Variants in ZBTB20 observed in about 807,000 individuals in gnomAD.
ZBTB20 encodes the protein zinc finger and BTB domain containing 20.
A neutral mutation model predicts 56.9 loss-of-function variants in ZBTB20; 9 were observed. The observed-to-expected ratio is 0.16, with a 90% CI of 0.10 to 0.28. The LOEUF (loss-of-function observed/expected upper bound fraction) is 0.28, where lower values mean the gene tolerates loss of function less well. ZBTB20 is among the 10% of genes least tolerant of loss of function. The pLI is 1.00. For missense variants in ZBTB20, 655 were observed against 1,003.0 expected, an observed-to-expected ratio of 0.65 and a Z score of 4.69; for synonymous variants, 417 against 420.7, an observed-to-expected ratio of 0.99 and a Z score of 0.11.
intron 6 of ZBTB20, chr3:114,529,330 C>T (rs983648713): frequency 6.6e-6 from 1 of 152,194 alleles, no homozygotes; most frequent in African/African-American, 2.4e-5. Flanking sequence ...GAGCCTCTGT[C>T]AACCTGGGTC....
At chr3:114,697,327 C>T (rs1435982517) in intron 5 of ZBTB20, among the ~76,000 whole-genome samples, 2 of 151,864 alleles carry the variant, frequency 1.3e-5, no homozygotes, top group Admixed American at 1.3e-4. Flanking sequence ...GAAGTCAAAA[C>T]ATCTCAAAAT....
At chr3:114,988,013 T>A (rs2078620032) in intron 2 of ZBTB20, among the ~76,000 whole-genome samples, 1 of 151,890 alleles carries the variant, frequency 6.6e-6, no homozygotes, top group South Asian at 2.1e-4. Flanking sequence ...TTCCCTATCG[T>A]CTTCTTTTTT....
At chr3:114,470,922 T>C (rs187102814) in intron 7 of ZBTB20, among the ~76,000 whole-genome samples, 8 of 152,324 alleles carry the variant, frequency 5.3e-5, no homozygotes, top group African/African-American at 1.7e-4. Flanking sequence ...AGGTTAGATA[T>C]AGGAGATTAA....
intron 1 of ZBTB20, among the ~76,000 whole-genome samples, chr3:115,136,990 C>T (rs978061786): frequency 6.6e-6 from 1 of 151,980 alleles, no homozygotes; most frequent in African/African-American, 2.4e-5. Flanking sequence ...AACAGAGTAC[C>T]ACCGATGATG....
chr3:115,130,551 T>C (rs2084474074), intron 1 of ZBTB20, among the ~76,000 whole-genome samples: 1 of 152,176 alleles, frequency 6.6e-6, no homozygotes. Flanking sequence ...CTACAAATCA[T>C]TTGTAGATGT....
chr3:114,348,021 T>C (rs2080336545), intron 11 of ZBTB20, among the ~76,000 whole-genome samples: 1 of 152,222 alleles, frequency 6.6e-6, no homozygotes. Context: ...GTTATCTCGG[T>C]TAACCACAGA....
intron 8 of ZBTB20, among the ~76,000 whole-genome samples, chr3:114,381,821 T>C (rs2084381265): frequency 1.3e-5 from 2 of 152,306 alleles, no homozygotes; most frequent in East Asian, 1.9e-4. Context: ...GAGGCAGAGA[T>C]GGCATGGCAA....
At chr3:115,113,551 T>C (rs1015156808) in intron 1 of ZBTB20, among the ~76,000 whole-genome samples, 2 of 152,196 alleles carry the variant, frequency 1.3e-5, no homozygotes, top group Admixed American at 6.5e-5. Context: ...GGACTGCTGA[T>C]TGCAACACTG....
At chr3:114,529,957 T>C (rs946859446) in intron 6 of ZBTB20, among the ~76,000 whole-genome samples, 5 of 152,252 alleles carry the variant, frequency 3.3e-5, no homozygotes. Flanking sequence ...AACACAATTA[T>C]GTGCTGTATA....
intron 6 of ZBTB20, among the ~76,000 whole-genome samples, chr3:114,616,910 C>T (rs1324274699): frequency 6.6e-6 from 1 of 152,200 alleles, no homozygotes; most frequent in Non-Finnish European, 1.5e-5. Flanking sequence ...CCATGCCCAG[C>T]CCAAAGGTTA....
chr3:115,011,410 G>T (rs9859987), intron 2 of ZBTB20, among the ~76,000 whole-genome samples: 50,680 of 151,634 alleles, frequency 0.33, 10,806 homozygotes, highest in Non-Finnish European at 0.49. Flanking sequence ...AGCACCAAAA[G>T]AAATGTAACA....
intron 4 of ZBTB20, among the ~76,000 whole-genome samples, chr3:114,896,412 C>T (rs2074880664): frequency 6.6e-6 from 1 of 152,032 alleles, no homozygotes; most frequent in Non-Finnish European, 1.5e-5. Flanking sequence ...AATTATTATT[C>T]AGCCATAAAA....
chr3:114,788,970 G>A (rs1236604939), intron 5 of ZBTB20, among the ~76,000 whole-genome samples: 2 of 152,152 alleles, frequency 1.3e-5, no homozygotes, highest in East Asian at 3.9e-4. Flanking sequence ...AACAGCACAG[G>A]AAAAACCGCC....
chr3:114,717,361 A>G (rs552649349), intron 5 of ZBTB20, among the ~76,000 whole-genome samples: 1 of 152,284 alleles, frequency 6.6e-6, no homozygotes, highest in South Asian at 2.1e-4. Context: ...AGCCACAGAA[A>G]GGTTATTGAG....
intron 3 of ZBTB20, among the ~76,000 whole-genome samples, chr3:114,954,697 A>G (rs2077188943): frequency 6.6e-6 from 1 of 152,192 alleles, no homozygotes; most frequent in Non-Finnish European, 1.5e-5. Flanking sequence ...GAATAAGTGA[A>G]AGTTGAATTG....
chr3:114,808,760 T>G (rs1346059326), intron 4 of ZBTB20, among the ~76,000 whole-genome samples: 1 of 152,102 alleles, frequency 6.6e-6, no homozygotes, highest in Non-Finnish European at 1.5e-5. Flanking sequence ...TATACTTACC[T>G]AAATAATGAC....
Position 114,317,281 on chromosome 3 carries a change from A to C in ZBTB20, c.*21724T>G, listed in dbSNP as rs2078721797. The C allele has an allele frequency of 6.6e-6, 1 of 152,170 alleles. No homozygotes were observed. The highest frequency in any genetic ancestry group is 2.4e-5 in the African/African-American group (1 of 41,424). 9.4% of individuals were successfully genotyped at this position (152,170 alleles called of 1,614,324 possible). On this transcript the variant is annotated 3_prime_UTR_variant, in exon 12 of 12. Coordinates refer to ENST00000675478, the MANE Select transcript of ZBTB20 (RefSeq NM_001348800.3). ...ATACCATTCGTTTGTGTGTACCTAA[A>C]GTGTGTCAAATACAGTCTCTGAAAG... is the stretch of plus-strand genomic sequence containing the variant.
intron 6 of ZBTB20, among the ~76,000 whole-genome samples, chr3:114,587,580 T>G (rs1183925945): frequency 6.6e-6 from 1 of 152,238 alleles, no homozygotes; most frequent in African/African-American, 2.4e-5. Flanking sequence ...TTACAATAAT[T>G]CTATGGCATA....
intron 11 of ZBTB20, among the ~76,000 whole-genome samples, chr3:114,343,154 A>G (rs981120678): frequency 1.3e-5 from 2 of 152,142 alleles, no homozygotes; most frequent in Non-Finnish European, 2.9e-5. Flanking sequence ...AAAAAAAAAA[A>G]AAAAGGAAGA....
Sources: gnomAD v4.1 joint callset for allele counts (sites outside exome capture counted in the v4.1 genomes callset) on GRCh38, gnomAD v4.1.1 for gene constraint, MANE v1.5 for transcripts, NCBI Gene and HGNC (gene_info 2026-07-23, HGNC 2026-07-21) for gene names.